Variants in BRCA1 observed in about 807,000 individuals in gnomAD.
BRCA1 encodes the protein BRCA1 DNA repair associated, also known as breast cancer type 1 susceptibility protein.
A neutral mutation model predicts 173.7 loss-of-function variants in BRCA1; 140 were observed. That is an observed-to-expected ratio of 0.81 (90% CI 0.70 to 0.93). The LOEUF is 0.93. Among genes scored for constraint, BRCA1 ranks in the 40% least tolerant of loss-of-function variants. The pLI is 0.00. For synonymous variants in BRCA1, 662 were observed against 756.0 expected (o/e 0.88, Z 2.04); for missense variants, 1,983 against 2,172.5 (o/e 0.91, Z 1.73).
At chr17:43,088,414 A>G (rs1188675991) in intron 11 of BRCA1, among the ~76,000 whole-genome samples, 1 of 151,282 alleles carries the variant, frequency 6.6e-6, no homozygotes, top group Admixed American at 6.6e-5. Context: ...GCTTATCTAT[A>G]GGCAATGTAC....
intron 16 of BRCA1, among the ~76,000 whole-genome samples, chr17:43,065,874 G>A (rs1215445379): frequency 6.6e-6 from 1 of 152,180 alleles, no homozygotes; most frequent in Non-Finnish European, 1.5e-5. Flanking sequence ...CGGTTCTTCA[G>A]ATACTTGAAG....
At chr17:43,143,086 A>ATATT (rs907958674) in intron 1 of BRCA1, among the ~76,000 whole-genome samples, 83 of 149,168 alleles carry the variant, frequency 5.6e-4, no homozygotes, top group African/African-American at 1.5e-3. Flanking sequence ...GTGTGTGTGT[A>ATATT]TATTTATTTA....
intron 19 of BRCA1, among the ~76,000 whole-genome samples, chr17:43,055,095 A>G (rs1399848379): frequency 6.6e-6 from 1 of 152,128 alleles, no homozygotes; most frequent in Non-Finnish European, 1.5e-5. Context: ...AAAAAGGAAG[A>G]AAAGCAGACT....
intron 1 of BRCA1, chr17:43,144,622 T>A (rs1407907609): frequency 6.0e-6 from 1 of 165,894 alleles, no homozygotes; most frequent in East Asian, 1.8e-4. Context: ...TGCTTTTCTT[T>A]CTGATGGCCC....
intron 11 of BRCA1, among the ~76,000 whole-genome samples, chr17:43,087,978 C>T (rs1309322701): frequency 2.6e-5 from 4 of 152,034 alleles, no homozygotes; most frequent in South Asian, 2.1e-4. Context: ...CCTTGACCTC[C>T]GGGGCTCAGG....
intron 11 of BRCA1, among the ~76,000 whole-genome samples, chr17:43,090,178 CAAT>C (rs1011690017): frequency 7.2e-5 from 11 of 152,094 alleles, no homozygotes; most frequent in Non-Finnish European, 1.6e-4. Flanking sequence ...CGATTGCTGG[CAAT>C]AATATTGGTG....
chr17:43,132,725 T>C (rs6503726), intron 1 of BRCA1: 76,947 of 151,252 alleles, frequency 0.51, 23,225 homozygotes, highest in African/African-American at 0.86. Flanking sequence ...ACTACAGACG[T>C]GCGCAACCAT....
chr17:43,113,990 G>A (rs1335461086), intron 3 of BRCA1, among the ~76,000 whole-genome samples: 4 of 151,746 alleles, frequency 2.6e-5, no homozygotes, highest in African/African-American at 4.8e-5. Context: ...CAGGAGAATC[G>A]CTTGAACCCA....
intron 19 of BRCA1, among the ~76,000 whole-genome samples, chr17:43,053,621 G>T (rs971954782): frequency 6.6e-6 from 1 of 151,760 alleles, no homozygotes; most frequent in African/African-American, 2.4e-5. Flanking sequence ...GAGCCGAGAC[G>T]GCGCCACTGC....
At chr17:43,082,900 T>C in intron 11 of BRCA1, 1 of 345,848 alleles carries the variant, frequency 2.9e-6, no homozygotes, top group South Asian at 3.2e-5. Flanking sequence ...ACACTATCGA[T>C]ATTTAAAATT....
intron 19 of BRCA1, among the ~76,000 whole-genome samples, chr17:43,053,272 T>C (rs1021504456): frequency 1.3e-5 from 2 of 152,198 alleles, no homozygotes; most frequent in Non-Finnish European, 2.9e-5. Context: ...GGCAGCCAAG[T>C]GGAGCCAAAT....
chr17:43,057,151 C>A lies in BRCA1; in HGVS notation c.5194-16G>T, dbSNP rs368058346. The A allele has an allele frequency of 6.2e-7, 1 of 1,610,904 alleles. No individual in the cohort carries two copies. The highest frequency in any genetic ancestry group is 8.5e-7 in the Non-Finnish European group (1 of 1,177,206). On this transcript the variant is annotated splice_polypyrimidine_tract_variant and intron_variant, in intron 18 of 22. Transcript: ENST00000357654. ...CAAAATCATGCTGAAAGAAACCAAA[C>A]ACAACCCATCAGGATAAGAGAAAGA...
At chr17:43,143,066 GTATA>G (rs1165304434) in intron 1 of BRCA1, among the ~76,000 whole-genome samples, 1 of 148,766 alleles carries the variant, frequency 6.7e-6, no homozygotes, top group East Asian at 1.9e-4. Context: ...ATATATATAT[GTATA>G]TATATGTGTG....
intron 1 of BRCA1, among the ~76,000 whole-genome samples, chr17:43,143,690 G>A (rs2056096053): frequency 6.6e-6 from 1 of 152,114 alleles, no homozygotes; most frequent in Non-Finnish European, 1.5e-5. Flanking sequence ...GCCTTCTGCA[G>A]CATTCTGCTG....
At chr17:43,047,511 C>T (rs889247439) in intron 22 of BRCA1, 132 bp downstream of exon 22, 5 of 921,978 alleles carry the variant, frequency 5.4e-6, no homozygotes, top group Middle Eastern at 2.1e-4. Flanking sequence ...ATCAAAAAGA[C>T]ATTTTAGCCA....
intron 14 of BRCA1, among the ~76,000 whole-genome samples, chr17:43,071,716 T>C (rs2052451698): frequency 6.6e-6 from 1 of 152,026 alleles, no homozygotes. Flanking sequence ...AAAATAAAAG[T>C]TTATGGGCCG....
At chr17:43,134,970 G>A (rs754025771) in intron 1 of BRCA1, among the ~76,000 whole-genome samples, 8 of 152,224 alleles carry the variant, frequency 5.3e-5, no homozygotes, top group Admixed American at 2.6e-4. Flanking sequence ...GTCTCCTCAC[G>A]GGATAGATAG....
At chr17:43,150,661 A>C (rs934015998) in intron 1 of BRCA1, among the ~76,000 whole-genome samples, 3 of 152,086 alleles carry the variant, frequency 2.0e-5, no homozygotes, top group African/African-American at 7.2e-5. Flanking sequence ...TCAAACATGA[A>C]TATTCACCTC....
intron 22 of BRCA1, 48 bp downstream of exon 22, chr17:43,047,595 C>G (rs1255368071): frequency 6.2e-7 from 1 of 1,600,940 alleles, no homozygotes; most frequent in Non-Finnish European, 8.6e-7. Flanking sequence ...ATAAACCAAA[C>G]CCATGCAAAA....
Sources: gnomAD v4.1 joint callset for allele counts (sites outside exome capture counted in the v4.1 genomes callset) on GRCh38, gnomAD v4.1.1 for gene constraint, MANE v1.5 for transcripts, NCBI Gene and HGNC (gene_info 2026-07-23, HGNC 2026-07-21) for gene names.